Variants in SVEP1 observed in about 807,000 individuals in gnomAD.
The protein encoded by SVEP1 is sushi, von Willebrand factor type A, EGF and pentraxin domain containing 1.
SVEP1 carries 164 observed loss-of-function variants against 367.3 expected under a neutral mutation model. The ratio of observed to expected loss-of-function variants is 0.45; its 90% CI spans 0.39 to 0.51. SVEP1 has a LOEUF of 0.51. Ranked by LOEUF, SVEP1 falls within the 20% of genes least tolerant of loss-of-function variation. The pLI is 0.00. For synonymous variants in SVEP1, 1,666 were observed against 1,611.6 expected (o/e 1.03, Z -0.81); for missense variants, 4,117 against 4,425.3 (o/e 0.93, Z 1.98).
intron 40 of SVEP1, among the ~76,000 whole-genome samples, chr9:110,397,259 T>C (rs1395179505): frequency 2.6e-5 from 4 of 152,192 alleles, no homozygotes; most frequent in Admixed American, 6.5e-5. Context: ...ATTATCTCAA[T>C]AGATGCAGAA....
Position 110,550,201 on chromosome 9 carries a change from T to A in SVEP1, c.532-97A>T, listed in dbSNP as rs1830266855. Reference sequence around the variant, plus strand: ...AGGCAGTACTTGCAAAGATCATTAGTATTTCACAGGCATGAGGGATGGAAG... The same window carrying A: ...AGGCAGTACTTGCAAAGATCATTAGAATTTCACAGGCATGAGGGATGGAAG... On this transcript the variant is annotated intron_variant, in intron 1 of 47. Coordinates refer to ENST00000374469, the MANE Select transcript of SVEP1 (RefSeq NM_153366.4). 6.0e-6 allele frequency: 9 copies of A among 1,492,312 alleles called. No homozygotes were observed. In the South Asian group the frequency reaches 1.1e-4, roughly 19 times the overall value. 92.4% of individuals were successfully genotyped at this position (1,492,312 alleles called of 1,614,324 possible).
chr9:110,538,950 T>C (rs576705718), intron 3 of SVEP1, among the ~76,000 whole-genome samples: 9 of 152,226 alleles, frequency 5.9e-5, no homozygotes, highest in African/African-American at 2.2e-4. Flanking sequence ...TGTAAATATT[T>C]TGGTTTTAAA....
chr9:110,490,429 G>T (rs1265956125), intron 8 of SVEP1, among the ~76,000 whole-genome samples: 3 of 152,032 alleles, frequency 2.0e-5, no homozygotes, highest in Non-Finnish European at 4.4e-5. Flanking sequence ...AAGGTCTTAT[G>T]ACTTCTATCA....
chr9:110,376,488 A>G (rs1038062252), intron 45 of SVEP1, among the ~76,000 whole-genome samples: 2 of 152,124 alleles, frequency 1.3e-5, no homozygotes, highest in African/African-American at 4.8e-5. Flanking sequence ...GCCTAAATTT[A>G]TTTCCATCAT....
rs1422710965 is a variant in SVEP1 at position 110,434,391 on chromosome 9, A to G, written c.5004T>C (p.Pro1668=). 6.2e-7 allele frequency: 1 copy of G among 1,613,286 alleles called. No homozygotes were observed. The highest frequency in any genetic ancestry group is 8.5e-7 in the Non-Finnish European group (1 of 1,179,682). Residue 1668 remains proline, a synonymous_variant, in exon 30 of 48, where the codon CCT becomes CCC. Coordinates refer to ENST00000374469, the MANE Select transcript of SVEP1 (RefSeq NM_153366.4). The part of the protein sequence containing the change: ...CDPGFQLVGN[P]VQYCLNQGQW... The stretch of plus-strand genomic sequence containing the variant: ...GTCCTTGATTCAGACAGTACTGCAC[A>G]GGGTTCCCGACCAGCTGGAAGCCTG...
rs1330776000 is a variant in SVEP1, at chr9:110,408,052, A to G, written c.7548T>C (p.Tyr2516=). The G allele has an allele frequency of 2.5e-6, 4 of 1,614,016 alleles. No individual in the cohort carries two copies. The highest frequency in any genetic ancestry group is 2.5e-6 in the Non-Finnish European group (3 of 1,179,888). ...TGCAAGAGTAGGTAACGGTCTGTCC[A>G]TAGTGTAGGTCCGTGTAAGAGAATT... ...NGKFSYTDLH[Y]GQTVTYSCNR... The change falls in exon 38 of 48, where the codon TAT becomes TAC. Residue 2516 remains tyrosine (Y), a synonymous_variant. Coordinates refer to ENST00000374469, the MANE Select transcript of SVEP1 (RefSeq NM_153366.4).
At chr9:110,434,665 C>CAAAAAAAAAA (rs1828404499) in intron 29 of SVEP1, among the ~76,000 whole-genome samples, 159 bp from the exon 30 acceptor site, 5 of 4,712 alleles carry the variant, frequency 1.1e-3, no homozygotes, top group Non-Finnish European at 1.7e-3. Context: ...AGCAAAATCA[C>CAAAAAAAAAA]TAAAAAAAAA....
Position 110,436,479 on chromosome 9 carries a change from T to C in SVEP1, c.4665A>G (p.Gln1555=), listed in dbSNP as rs772804834. The change falls in exon 28 of 48, where the codon CAA becomes CAG. Residue 1555 remains glutamine (Q), a synonymous_variant. Coordinates refer to ENST00000374469, the MANE Select transcript of SVEP1 (RefSeq NM_153366.4). ...IPGGGALVLG[Q]EQDKKGEGFS... ...ATCCCTCTCCTTTTTTGTCTTGCTC[T>C]TGCCCCAGAACTAACGCACCACCAC... The C allele has an allele frequency of 1.4e-5, 22 of 1,613,752 alleles. No individual in the cohort carries two copies. The Admixed American group carries it at 3.3e-4, about 24-fold the overall frequency.
rs138277920 is a variant in SVEP1 at position 110,467,600 on chromosome 9, G to A, written c.3160+1340C>T. Reference sequence around the variant, plus strand: ...GATAGAGTTCTCGTGATACCTCGTTGGATAAAAGTATGTGGCATCTCCCCT... The same window carrying A: ...GATAGAGTTCTCGTGATACCTCGTTAGATAAAAGTATGTGGCATCTCCCCT... On this transcript the variant is annotated intron_variant, in intron 17 of 47. Transcript: ENST00000374469. Among the ~76,000 whole-genome samples, 15 of 151,688 alleles carry A rather than the reference G, an allele frequency of 9.9e-5. No individual in the cohort carries two copies. In the East Asian group the frequency reaches 2.9e-3, roughly 29 times the overall value.
chr9:110,488,548 G>T (rs1223170811), intron 9 of SVEP1, among the ~76,000 whole-genome samples: 1 of 152,042 alleles, frequency 6.6e-6, no homozygotes, highest in Non-Finnish European at 1.5e-5. Flanking sequence ...AAAAGTTTTG[G>T]TAACAAGTGT....
intron 7 of SVEP1, among the ~76,000 whole-genome samples, chr9:110,498,201 T>C (rs1829480788): frequency 6.6e-6 from 1 of 152,224 alleles, no homozygotes; most frequent in African/African-American, 2.4e-5. Context: ...CCATTAACTC[T>C]GCAACTCAGA....
chr9:110,451,074 G>T (rs531987324), intron 23 of SVEP1, among the ~76,000 whole-genome samples: 3 of 152,060 alleles, frequency 2.0e-5, no homozygotes, highest in African/African-American at 7.2e-5. Flanking sequence ...ATTATTTTTT[G>T]CTGAACCATT....
In SVEP1 at chr9:110,503,153, C is replaced by A. The variant is rs369648145; in HGVS notation, c.1368G>T (p.Met456Ile). 200 of 1,613,752 alleles carry A rather than the reference C, an allele frequency of 1.2e-4. No homozygotes were observed. Among genetic ancestry groups the A allele is most frequent in the Non-Finnish European group, 1.7e-4 (199 of 1,179,810 alleles). ...HGHISCSTRE[M>I]LYKTTCLVAC... The stretch of plus-strand genomic sequence containing the variant: ...CAACCAAACATGTTGTCTTATATAA[C>A]ATTTCCCTTGTAGAACAGCTGATGT... Residue 456 changes from methionine to isoleucine, a missense_variant, in exon 6 of 48, where the codon ATG becomes ATT. This residue lies in a region of SVEP1 where 2,174 missense variants were observed against 2,494.3 expected (regional missense o/e 0.87). Transcript: ENST00000374469.
At chr9:110,505,953 T>C (rs1424810955) in intron 5 of SVEP1, among the ~76,000 whole-genome samples, 1 of 152,264 alleles carries the variant, frequency 6.6e-6, no homozygotes, top group African/African-American at 2.4e-5. Context: ...TTTCTCCTAA[T>C]GTTATCCCTC....
rs774412500 is a variant in SVEP1, at chr9:110,472,304, T to C, written c.2619A>G (p.Ala873=). The C allele has an allele frequency of 1.9e-5, 30 of 1,598,078 alleles. No homozygotes were observed. The South Asian group carries it at 2.9e-4, about 15-fold the overall frequency. The change falls in exon 15 of 48, where the codon GCA becomes GCG. Residue 873 remains alanine (A), a synonymous_variant. Transcript: ENST00000374469. ...CGTAAGAGTAATCCAGCCTATTAGC[T>C]GCACCCCAGCCACCTGGTCCTGGAT... is the stretch of plus-strand genomic sequence containing the variant. ...GFAIGPGGWG[A]ANRLDYSYDD... is the part of the protein sequence containing the mutation.
intron 40 of SVEP1, among the ~76,000 whole-genome samples, chr9:110,394,865 T>G (rs1358993644): frequency 6.6e-6 from 1 of 151,980 alleles, no homozygotes; most frequent in African/African-American, 2.4e-5. Context: ...AAAGACCAAA[T>G]CTACGTCTGA....
intron 40 of SVEP1, among the ~76,000 whole-genome samples, chr9:110,397,630 A>G (rs1019765609): frequency 6.6e-6 from 1 of 152,234 alleles, no homozygotes; most frequent in African/African-American, 2.4e-5. Flanking sequence ...TAAGTGGATA[A>G]GCAACTTCAG....
intron 18 of SVEP1, among the ~76,000 whole-genome samples, chr9:110,462,281 A>G (rs905549145): frequency 2.0e-5 from 3 of 152,118 alleles, no homozygotes; most frequent in Non-Finnish European, 2.9e-5. Context: ...TAAATCTATT[A>G]GCTTCTAAAA....
chr9:110,405,284 A>G (rs1827937852), intron 38 of SVEP1, among the ~76,000 whole-genome samples: 1 of 151,944 alleles, frequency 6.6e-6, no homozygotes, highest in Middle Eastern at 3.4e-3. Flanking sequence ...GGACTCAGAT[A>G]CTAGTAGGAA....
Sources: gnomAD v4.1 joint callset for allele counts (sites outside exome capture counted in the v4.1 genomes callset) on GRCh38, gnomAD v4.1.1 for gene constraint, gnomAD v4.1.1 regional missense constraint, MANE v1.5 for transcripts, NCBI Gene and HGNC (gene_info 2026-07-23, HGNC 2026-07-21) for gene names.